Variants in TPPP observed in about 807,000 individuals in gnomAD.
TPPP encodes tubulin polymerization-promoting protein.
TPPP carries 6 observed loss-of-function variants against 15.5 expected under a neutral mutation model. The ratio of observed to expected loss-of-function variants is 0.39; its 90% CI spans 0.21 to 0.77. TPPP has a LOEUF of 0.77. TPPP is among the 30% of genes least tolerant of loss of function. The pLI is 0.42. For missense variants in TPPP, 269 were observed against 307.2 expected (o/e 0.88, Z 0.93); for synonymous variants, 146 against 133.9 (o/e 1.09, Z -0.63).
intron 2 of TPPP, chr5:675,978 C>G (rs944963341): frequency 6.6e-6 from 1 of 152,114 alleles, no homozygotes; most frequent in African/African-American, 2.4e-5. Context: ...GAGACCAGCT[C>G]GCACCCGGGG....
intron 3 of TPPP, 170 bp downstream of exon 3, chr5:665,800 C>T: frequency 1.3e-6 from 1 of 779,760 alleles, no homozygotes; most frequent in Non-Finnish European, 2.0e-6. Context: ...ACCACACCTC[C>T]TCAGACCCCA....
chr5:671,893 C>G (rs367597), intron 2 of TPPP, among the ~76,000 whole-genome samples: 107,823 of 152,190 alleles, frequency 0.71, 39,579 homozygotes, highest in African/African-American at 0.92. Flanking sequence ...ACCCTTCCCC[C>G]GGGCTGGGTA....
intron 2 of TPPP, among the ~76,000 whole-genome samples, chr5:668,094 C>T (rs1379501845): frequency 2.5e-5 from 2 of 80,172 alleles, no homozygotes; most frequent in Non-Finnish European, 4.3e-5. Flanking sequence ...TCCGCGTGGG[C>T]CCCATCAGGG....
chr5:681,644 A>T (rs1310775937), intron 1 of TPPP, among the ~76,000 whole-genome samples: 2 of 152,092 alleles, frequency 1.3e-5, no homozygotes, highest in African/African-American at 4.8e-5. Context: ...CCTGGCCAGG[A>T]CCTGCTTGGA....
chr5:673,783 A>G (rs1740306193), intron 2 of TPPP, among the ~76,000 whole-genome samples: 1 of 152,170 alleles, frequency 6.6e-6, no homozygotes, highest in South Asian at 2.1e-4. Context: ...GAGCAGCTCC[A>G]GCCCTGCCTC....
At chr5:682,819 C>A (rs1251310981) in intron 1 of TPPP, among the ~76,000 whole-genome samples, 1 of 152,252 alleles carries the variant, frequency 6.6e-6, no homozygotes, top group African/African-American at 2.4e-5. Context: ...GTGGCTGAGC[C>A]TTGCTGGCAG....
Position 677,902 on chromosome 5 carries a change from C to T in TPPP, c.159G>A (p.Glu53=). 1.2e-6 allele frequency: 2 copies of T among 1,612,824 alleles called. No individual in the cohort carries two copies. The highest frequency in any genetic ancestry group is 1.7e-6 in the Non-Finnish European group (2 of 1,179,888). Residue 53 remains glutamate (E), a synonymous_variant, in exon 2 of 4, where the codon GAG becomes GAA. Transcript: ENST00000360578. The part of the protein sequence containing the change: ...AASPELSALE[E]AFRRFAVHGD... Reference sequence around the variant, plus strand: ...CGTGCACGGCAAAGCGCCGGAAGGCCTCCTCCAGGGCACTGAGCTCAGGGG... The same window carrying T: ...CGTGCACGGCAAAGCGCCGGAAGGCTTCCTCCAGGGCACTGAGCTCAGGGG...
intron 1 of TPPP, among the ~76,000 whole-genome samples, chr5:691,819 C>CCA: frequency 1.0e-5 from 1 of 97,094 alleles, no homozygotes; most frequent in African/African-American, 3.4e-5. Flanking sequence ...CAGCAGCCCT[C>CCA]AACCCCCATC....
In TPPP at chr5:678,478, G is replaced by A. The variant is rs548379805; in HGVS notation, c.-4-414C>T. ...TCCACTGTCCCTCCTGTGGACGCCC[G>A]CTCTGCAGCTCTGGAGGACACCTCG... On this transcript the variant is annotated intron_variant, in intron 1 of 3. Coordinates refer to ENST00000360578, the MANE Select transcript of TPPP (RefSeq NM_007030.3). Among the ~76,000 whole-genome samples, 32 of 144,296 alleles carry A rather than the reference G, an allele frequency of 2.2e-4. No individual in the cohort carries two copies. The East Asian group carries it at 4.9e-3, about 22-fold the overall frequency. 94.7% of individuals were successfully genotyped at this position (144,296 alleles called of 152,430 possible). A position where few individuals can be genotyped will look rare whatever the true frequency, so the allele number is the denominator to read the frequency against.
At chr5:676,953 G>A (rs544079365) in intron 2 of TPPP, among the ~76,000 whole-genome samples, 4 of 146,374 alleles carry the variant, frequency 2.7e-5, no homozygotes, top group East Asian at 4.0e-4. Flanking sequence ...GCAGAAACGC[G>A]CACACGTGCA....
Position 668,948 on chromosome 5 carries a change from C to T in TPPP, c.312-2825G>A, listed in dbSNP as rs533457770. 2.3e-3 allele frequency among the ~76,000 whole-genome samples: 350 copies of T among 152,324 alleles called. 2 individuals are homozygous for T. The highest frequency in any genetic ancestry group is 3.5e-3 in the Non-Finnish European group (240 of 68,028). On this transcript the variant is annotated intron_variant, in intron 2 of 3. Transcript: ENST00000360578. ...GCTGGGTGATTCCCAGACCCCAAGG[C>T]GGATGCTGTGTTTAAACAGCACCTG... is the stretch of plus-strand genomic sequence containing the variant.
At chr5:683,973 G>A (rs902512690) in intron 1 of TPPP, among the ~76,000 whole-genome samples, 12 of 152,190 alleles carry the variant, frequency 7.9e-5, no homozygotes, top group African/African-American at 1.9e-4. Flanking sequence ...ACCTCGGGCC[G>A]GCTGCCATCA....
upstream of TPPP, among the ~76,000 whole-genome samples, chr5:693,689 C>T (rs1271008267): frequency 6.6e-6 from 1 of 151,524 alleles, no homozygotes; most frequent in East Asian, 1.9e-4. Context: ...CGACCGGACC[C>T]CGATCTCTCC....
chr5:699,019 C>A, the TPPP span, among the ~76,000 whole-genome samples: 1 of 151,946 alleles, frequency 6.6e-6, no homozygotes, highest in South Asian at 2.1e-4. Flanking sequence ...TCATACATGA[C>A]ACAAACAGAA....
upstream of TPPP, among the ~76,000 whole-genome samples, chr5:694,266 C>A (rs114467447): frequency 1.3e-5 from 2 of 151,474 alleles, no homozygotes; most frequent in African/African-American, 4.8e-5. Context: ...CAGGGCGGTT[C>A]TGTGGTGCTG....
At chr5:685,920 T>A (rs1378874215) in intron 1 of TPPP, among the ~76,000 whole-genome samples, 1 of 152,118 alleles carries the variant, frequency 6.6e-6, no homozygotes, top group Non-Finnish European at 1.5e-5. Flanking sequence ...CAGAGCACTA[T>A]GGCTGAGTAT....
intron 3 of TPPP, 137 bp from the exon 4 acceptor site, chr5:665,433 C>G: frequency 2.6e-6 from 2 of 782,842 alleles, no homozygotes; most frequent in Non-Finnish European, 4.0e-6. Context: ...ATTTATGCCC[C>G]TTTTAATTCT....
At chr5:683,033 C>T (rs1262054520) in intron 1 of TPPP, among the ~76,000 whole-genome samples, 2 of 151,184 alleles carry the variant, frequency 1.3e-5, no homozygotes, top group Non-Finnish European at 2.9e-5. Flanking sequence ...TCCTGCAGGC[C>T]CCCTGGGTTG....
At chr5:688,876 A>T (rs1288519245) in intron 1 of TPPP, among the ~76,000 whole-genome samples, 1 of 122,130 alleles carries the variant, frequency 8.2e-6, no homozygotes, top group Non-Finnish European at 1.9e-5. Flanking sequence ...TGGCCAGGTC[A>T]CCTGCGAGAT....
Sources: allele counts gnomAD v4.1 joint callset (sites outside exome capture counted in the v4.1 genomes callset), GRCh38; gene constraint gnomAD v4.1.1; transcripts MANE v1.5; gene names NCBI Gene and HGNC (gene_info 2026-07-23, HGNC 2026-07-21).